HEMK1: variants seen among roughly 807,000 people sequenced by gnomAD.
HEMK1 encodes the protein MTRF1L release factor glutamine methyltransferase.
Under a neutral mutation model 47.9 loss-of-function variants are expected in HEMK1, and 36 were observed. That is an observed-to-expected ratio of 0.75 (90% CI 0.58 to 0.99). The LOEUF (loss-of-function observed/expected upper bound fraction) is 0.99, where lower values mean the gene tolerates loss of function less well. Ranked by LOEUF, HEMK1 falls within the 50% of genes least tolerant of loss-of-function variation. The pLI is 0.00. For missense variants in HEMK1, 383 were observed against 434.5 expected, an observed-to-expected ratio of 0.88 and a Z score of 1.05; for synonymous variants, 153 against 165.4, an observed-to-expected ratio of 0.93 and a Z score of 0.57.
intron 4 of HEMK1, among the ~76,000 whole-genome samples, chr3:50,575,192 G>A (rs988594668): frequency 1.1e-4 from 17 of 152,166 alleles, no homozygotes; most frequent in African/African-American, 4.1e-4. Context: ...GGAGGCTGAG[G>A]CGGGTAGATC....
chr3:50,588,664 C>T lies in HEMK1; in HGVS notation c.*8247C>T, dbSNP rs2031545179. ...AAGTGGCTGCCACTGAACCCAGACT[C>T]TGATGTACTCCGGATATGGGTGGCG... On this transcript the variant is annotated 3_prime_UTR_variant, in exon 11 of 11. Transcript: ENST00000232854. The T allele has an allele frequency of 6.6e-6, 1 of 152,278 alleles. No individual in the cohort carries two copies. Among genetic ancestry groups the T allele is most frequent in the Admixed American group, 6.5e-5 (1 of 15,284 alleles). 9.4% of individuals were successfully genotyped at this position (152,278 alleles called of 1,614,324 possible).
At chr3:50,571,942 CG>C (rs1697266494) in intron 3 of HEMK1, 141 bp downstream of exon 3, 2 of 796,040 alleles carry the variant, frequency 2.5e-6, no homozygotes, top group African/African-American at 1.8e-5. Context: ...AGAGTGGGGC[CG>C]GGGTACTGAA....
In HEMK1 at chr3:50,593,930, TTGGCCAGGC is replaced by T. The variant is rs2031846026; in HGVS notation, c.*13517_*13525del. The T allele has an allele frequency of 1.3e-5, 2 of 152,198 alleles. No homozygotes were observed. Among genetic ancestry groups the T allele is most frequent in the Admixed American group, 1.3e-4 (2 of 15,278 alleles). The allele number at this position is 152,198 out of a possible 1,614,324, so 9.4% of individuals were successfully genotyped here. The stretch of plus-strand genomic sequence containing the variant: ...TCAGTAGAGACGGGGTTTTGCCATG[TTGGCCAGGC>T]TGGTCTCGAACTCCTGACCTCAAGT... On this transcript the variant is annotated 3_prime_UTR_variant, in exon 11 of 11. Transcript: ENST00000232854.
rs1391615778 is a variant in HEMK1, at chr3:50,595,832, CTT to C, written c.*15417_*15418del. 2 of 152,240 alleles carry C rather than the reference CTT, an allele frequency of 1.3e-5. No homozygotes were observed. Among genetic ancestry groups the C allele is most frequent in the Non-Finnish European group, 2.9e-5 (2 of 68,040 alleles). 9.4% of individuals were successfully genotyped at this position (152,240 alleles called of 1,614,324 possible). A position where few individuals can be genotyped will look rare whatever the true frequency, so the allele number is the denominator to read the frequency against. The stretch of plus-strand genomic sequence containing the variant: ...ATCGATGTATTTCTGGGGTGACTCT[CTT>C]TCCTCCAGACCTCTCCTGCAAACAA... On this transcript the variant is annotated 3_prime_UTR_variant, in exon 11 of 11. Coordinates refer to ENST00000232854, the MANE Select transcript of HEMK1 (RefSeq NM_016173.5).
intron 7 of HEMK1, among the ~76,000 whole-genome samples, chr3:50,578,213 G>T (rs1426360175): frequency 6.6e-6 from 1 of 152,226 alleles, no homozygotes; most frequent in Admixed American, 6.5e-5. Context: ...CAAAATACTT[G>T]AGTGCCCCTT....
chr3:50,571,346 T>C lies in HEMK1; in HGVS notation c.228+14T>C, dbSNP rs376831388. 1.9e-6 allele frequency: 3 copies of C among 1,554,210 alleles called. No homozygotes were observed. Among genetic ancestry groups the C allele is most frequent in the African/African-American group, 1.4e-5 (1 of 73,428 alleles). ...GGAGCCAAAACAGTTAAGTTTAGTG[T>C]TGTCAAGAGGACAGGAAGAGGGAGG... On this transcript the variant is annotated intron_variant, in intron 2 of 10. Transcript: ENST00000232854.
intron 4 of HEMK1, among the ~76,000 whole-genome samples, chr3:50,572,451 A>G (rs1701108855): frequency 6.6e-6 from 1 of 152,234 alleles, no homozygotes; most frequent in African/African-American, 2.4e-5. Context: ...AATGGCCCAG[A>G]GTGCCTCAAA....
At chr3:50,570,839 A>AGTTGT in intron 1 of HEMK1, 92 bp from the exon 2 acceptor site, 1 of 369,220 alleles carries the variant, frequency 2.7e-6, no homozygotes, top group East Asian at 4.4e-5. Context: ...GGGGTGTCAG[A>AGTTGT]GCAAGAGCAC....
chr3:50,571,286 G>A lies in HEMK1; in HGVS notation c.182G>A (p.Arg61Gln), dbSNP rs781100391. ...GAGAAGAGGGGTATCCCTGAGGCCCGGGAATCCAGTGAGTACATCGTGGCT... is the reference window on the plus strand; with the variant it reads ...GAGAAGAGGGGTATCCCTGAGGCCCAGGAATCCAGTGAGTACATCGTGGCT... ...VFEKRGIPEA[R>Q]ESSEYIVAHV... is the part of the protein sequence containing the mutation. The change falls in exon 2 of 11, where the codon CGG (arginine) becomes CAG (glutamine). Residue 61 changes from arginine (R) to glutamine (Q), a missense_variant. Arg to Gln is a conservative substitution (Grantham distance 43). Transcript: ENST00000232854. The A allele has an allele frequency of 1.9e-6, 3 of 1,611,870 alleles. No individual in the cohort carries two copies. In the South Asian group the frequency reaches 3.3e-5, roughly 18 times the overall value.
rs200478867 is a variant in HEMK1, at chr3:50,580,319, C to T, written c.981-62C>T. Reference sequence around the variant, plus strand: ...CTGGCTGTCAGGAGAGTGTGCTGTTCCCACTTCCTGTTCATTCCCTGAGGC... The same window carrying T: ...CTGGCTGTCAGGAGAGTGTGCTGTTTCCACTTCCTGTTCATTCCCTGAGGC... On this transcript the variant is annotated intron_variant, in intron 10 of 10. Transcript: ENST00000232854. 4.4e-4 allele frequency: 710 copies of T among 1,608,796 alleles called. 10 individuals carry two copies. The South Asian group carries it at 7.5e-3, about 17-fold the overall frequency.
rs768223843 is a variant in HEMK1, at chr3:50,572,180, C to T, written c.386C>T (p.Pro129Leu). The stretch of plus-strand genomic sequence containing the variant: ...GGGCTCAGCCTAAGGATGGTGCCCC[C>T]AGTGTTTATTCCTCGGCCAGAAACA... ...FQGLSLRMVPPVFIPRPETEE... is the reference protein window; with the variant it reads ...FQGLSLRMVPLVFIPRPETEE... The change falls in exon 4 of 11, where the codon CCA becomes CTA. Residue 129 changes from proline (P) to leucine (L), a missense_variant. Coordinates refer to ENST00000232854, the MANE Select transcript of HEMK1 (RefSeq NM_016173.5). 4 of 1,613,848 alleles carry T rather than the reference C, an allele frequency of 2.5e-6. No individual in the cohort carries two copies.
At position 50,584,792 on chromosome 3, in the gene HEMK1, G is replaced by A. The variant is rs115040358; in HGVS notation, c.*4375G>A. 6.2e-4 allele frequency: 94 copies of A among 152,326 alleles called. No individual in the cohort carries two copies. The highest frequency in any genetic ancestry group is 2.2e-3 in the African/African-American group (90 of 41,576). The allele number at this position is 152,326 out of a possible 1,614,324, so 9.4% of individuals were successfully genotyped here. The stretch of plus-strand genomic sequence containing the variant: ...TGTGATAATTTGTTACAGCAGCCAC[G>A]GGAAACGAATATAGATTGTGGTGCC... On this transcript the variant is annotated 3_prime_UTR_variant, in exon 11 of 11. Transcript: ENST00000232854.
Position 50,586,786 on chromosome 3 carries a change from G to A in HEMK1, c.*6369G>A, listed in dbSNP as rs905334020. The A allele has an allele frequency of 2.0e-5, 3 of 152,158 alleles. No individual in the cohort carries two copies. Among genetic ancestry groups the A allele is most frequent in the Non-Finnish European group, 4.4e-5 (3 of 68,150 alleles). The allele number at this position is 152,158 out of a possible 1,614,324, so 9.4% of individuals were successfully genotyped here. A position where few individuals can be genotyped will look rare whatever the true frequency, so the allele number is the denominator to read the frequency against. ...GCTGCCAGTCCTTCCTTTGCCACCT[G>A]AAGACCCCCCACCCCACCTGGCTTT... On this transcript the variant is annotated 3_prime_UTR_variant, in exon 11 of 11. Transcript: ENST00000232854.
chr3:50,570,017 T>A (rs1162604800), intron 1 of HEMK1: 1 of 152,188 alleles, frequency 6.6e-6, no homozygotes, highest in African/African-American at 2.4e-5. Context: ...ATTTTTTGTA[T>A]TTTTAGTAGA....
chr3:50,575,538 T>C (rs562351004), intron 4 of HEMK1, among the ~76,000 whole-genome samples: 109 of 152,330 alleles, frequency 7.2e-4, no homozygotes, highest in African/African-American at 2.6e-3. Flanking sequence ...CTTCCTATTA[T>C]GGCGTCTGGT....
At position 50,580,435 on chromosome 3, in the gene HEMK1, T is replaced by G; in HGVS notation, c.*18T>G. 6.2e-7 allele frequency: 1 copy of G among 1,614,016 alleles called. No individual in the cohort carries two copies. The highest frequency in any genetic ancestry group is 8.5e-7 in the Non-Finnish European group (1 of 1,179,924). On this transcript the variant is annotated 3_prime_UTR_variant, in exon 11 of 11. Coordinates refer to ENST00000232854, the MANE Select transcript of HEMK1 (RefSeq NM_016173.5). ...GGCCATAGCATGGCTGCCCTGTGGA[T>G]GCCTTGTCAGTGCCGCCAGCCTGAC...
chr3:50,586,460 C>A lies in HEMK1; in HGVS notation c.*6043C>A. The A allele has an allele frequency of 6.6e-6, 1 of 152,450 alleles. No individual in the cohort carries two copies. Among genetic ancestry groups the A allele is most frequent in the Non-Finnish European group, 1.5e-5 (1 of 68,108 alleles). The allele number at this position is 152,450 out of a possible 1,614,324, so 9.4% of individuals were successfully genotyped here. A position where few individuals can be genotyped will look rare whatever the true frequency, so the allele number is the denominator to read the frequency against. On this transcript the variant is annotated 3_prime_UTR_variant, in exon 11 of 11. Transcript: ENST00000232854. ...GAGACAGCTTAGAGTAGCCATGCCC[C>A]GTGGCAGGCAGGCCTGGCTAAGTGG...
At chr3:50,577,259 A>G (rs1310656175) in intron 5 of HEMK1, 73 bp downstream of exon 5, 6 of 1,513,246 alleles carry the variant, frequency 4.0e-6, no homozygotes, top group Non-Finnish European at 1.8e-6. Flanking sequence ...CTTCCCCCAC[A>G]TCCCTCTGCT....
chr3:50,592,891 C>G lies in HEMK1; in HGVS notation c.*12474C>G, dbSNP rs1262524791. 6.6e-6 allele frequency: 1 copy of G among 152,372 alleles called. No individual in the cohort carries two copies. The highest frequency in any genetic ancestry group is 1.5e-5 in the Non-Finnish European group (1 of 68,154). The allele number at this position is 152,372 out of a possible 1,614,324, so 9.4% of individuals were successfully genotyped here. A position where few individuals can be genotyped will look rare whatever the true frequency, so the allele number is the denominator to read the frequency against. On this transcript the variant is annotated 3_prime_UTR_variant, in exon 11 of 11. Coordinates refer to ENST00000232854, the MANE Select transcript of HEMK1 (RefSeq NM_016173.5). ...GGCCCCGTGGAGTTTGCTATTCCAGCTTTTATTTACTCCTCTGTACCCTGA... is the reference window on the plus strand; with the variant it reads ...GGCCCCGTGGAGTTTGCTATTCCAGGTTTTATTTACTCCTCTGTACCCTGA...
Sources: allele counts gnomAD v4.1 joint callset (sites outside exome capture counted in the v4.1 genomes callset), GRCh38; gene constraint gnomAD v4.1.1; transcripts MANE v1.5; gene names NCBI Gene and HGNC (gene_info 2026-07-23, HGNC 2026-07-21).